The following GIGYF2 variants were observed in gnomAD, a reference collection of about 807,000 sequenced individuals.
GIGYF2 encodes the protein GRB10 interacting GYF protein 2.
In GIGYF2, 25 loss-of-function variants were observed where a neutral mutation model predicts 208.1. The observed-to-expected ratio is 0.12, with a 90% confidence interval of 0.09 to 0.17. GIGYF2 has a LOEUF of 0.17. Among genes scored for constraint, GIGYF2 ranks in the 10% least tolerant of loss-of-function variants. The pLI is 1.00. For synonymous variants in GIGYF2, 534 were observed against 543.8 expected, an observed-to-expected ratio of 0.98 and a Z score of 0.25; for missense variants, 1,302 against 1,579.4, an observed-to-expected ratio of 0.82 and a Z score of 2.98.
At chr2:232,712,737 G>A (rs760925813) in intron 2 of GIGYF2, among the ~76,000 whole-genome samples, 6 of 152,200 alleles carry the variant, frequency 3.9e-5, no homozygotes, top group Non-Finnish European at 7.3e-5. Context: ...TCCATAGATT[G>A]TACTTTGTAA....
rs1376363940 is a variant in GIGYF2, at chr2:232,859,158, T to C, written c.*2298T>C. 4 of 152,236 alleles carry C rather than the reference T, an allele frequency of 2.6e-5. No individual in the cohort carries two copies. Among genetic ancestry groups the C allele is most frequent in the African/African-American group, 9.7e-5 (4 of 41,446 alleles). 9.4% of individuals were successfully genotyped at this position (152,236 alleles called of 1,614,324 possible). A position where few individuals can be genotyped will look rare whatever the true frequency, so the allele number is the denominator to read the frequency against. On this transcript the variant is annotated 3_prime_UTR_variant, in exon 29 of 29. Coordinates refer to ENST00000373563, the MANE Select transcript of GIGYF2 (RefSeq NM_001103146.3). Reference sequence around the variant, plus strand: ...TTCTGTCTCTCTCAATGCTACTCTCTTTCATATTCTCATTTGCTCACCCTT... The same window carrying C: ...TTCTGTCTCTCTCAATGCTACTCTCCTTCATATTCTCATTTGCTCACCCTT...
chr2:232,822,126 A>C (rs1174191509), intron 21 of GIGYF2, among the ~76,000 whole-genome samples: 1 of 152,060 alleles, frequency 6.6e-6, no homozygotes, highest in East Asian at 1.9e-4. Flanking sequence ...TTCCTATTAA[A>C]ATTTAAAATT....
chr2:232,791,905 T>A (rs1397827625), intron 12 of GIGYF2, among the ~76,000 whole-genome samples: 3 of 152,252 alleles, frequency 2.0e-5, no homozygotes, highest in African/African-American at 7.2e-5. Context: ...AACATATCTC[T>A]TTCAGTTGTT....
rs1348710353 is a variant in GIGYF2 at position 232,806,402 on chromosome 2, C to G, written c.1640-89C>G. On this transcript the variant is annotated intron_variant, in intron 14 of 28. Transcript: ENST00000373563. The surrounding 1 kb of genome is among the most constrained non-coding windows in gnomAD (Gnocchi z 4.0). ...TAAAACATTTTGACAGATGCCACCT[C>G]GATGAGAATCAGATGCAGGAAATAT... 1.1e-6 allele frequency: 1 copy of G among 917,806 alleles called. No homozygotes were observed. Among genetic ancestry groups the G allele is most frequent in the Non-Finnish European group, 1.8e-6 (1 of 546,314 alleles). The allele number at this position is 917,806 out of a possible 1,614,324, so 56.9% of individuals were successfully genotyped here.
chr2:232,796,054 G>A lies in GIGYF2; in HGVS notation c.1480-8G>A, dbSNP rs1190036525. 3.1e-6 allele frequency: 5 copies of A among 1,606,318 alleles called. No homozygotes were observed. In the African/African-American group the frequency reaches 6.7e-5, roughly 21 times the overall value. On this transcript the variant is annotated splice_polypyrimidine_tract_variant and splice_region_variant and intron_variant, in intron 13 of 28. Coordinates refer to ENST00000373563, the MANE Select transcript of GIGYF2 (RefSeq NM_001103146.3). ...TTGTTTCCTTGATTTTTGTTTTTCT[G>A]TTACTAGCAAGCTGAGAAAATGGTG...
At position 232,819,897 on chromosome 2, in the gene GIGYF2, A is replaced by C; in HGVS notation, c.2441A>C (p.Gln814Pro). Residue 814 changes from glutamine to proline, a missense_variant, in exon 21 of 29, where the codon CAG becomes CCG. By Grantham distance (76) the Gln-to-Pro change is moderately conservative. This residue lies in a region of GIGYF2 where 701 missense variants were observed against 793.0 expected (regional missense o/e 0.88). Transcript: ENST00000373563. ...CGACAGCGAGAAGAGGAAGAAAGAC[A>C]GCAGCAAGAAGAAGCTCTTAGAAGA... is the stretch of plus-strand genomic sequence containing the variant. ...LRRQREEEER[Q>P]QQEEALRRLE... 6.3e-7 allele frequency: 1 copy of C among 1,592,072 alleles called. No individual in the cohort carries two copies. Among genetic ancestry groups the C allele is most frequent in the Non-Finnish European group, 8.6e-7 (1 of 1,161,288 alleles).
Position 232,742,507 on chromosome 2 carries a change from T to C in GIGYF2, c.42-5108T>C, listed in dbSNP as rs151224185. Among the ~76,000 whole-genome samples, 1,341 of 152,204 alleles carry C rather than the reference T, an allele frequency of 8.8e-3. 33 individuals are homozygous for C. The highest frequency in any genetic ancestry group is 0.055 in the Admixed American group (845 of 15,276). The stretch of plus-strand genomic sequence containing the variant: ...AGTGAGCTGAGCTGAGCTGAGATAG[T>C]GCCACTGCACTCCAGCCTGGGTAAC... On this transcript the variant is annotated intron_variant, in intron 3 of 28. Transcript: ENST00000373563.
intron 3 of GIGYF2, among the ~76,000 whole-genome samples, chr2:232,741,218 G>A (rs1299248113): frequency 6.6e-6 from 1 of 152,112 alleles, no homozygotes; most frequent in African/African-American, 2.4e-5. Flanking sequence ...ATATGTGCCT[G>A]TTTGCTCAAG....
chr2:232,824,392 C>T (rs1053573453), intron 21 of GIGYF2, among the ~76,000 whole-genome samples: 1 of 152,170 alleles, frequency 6.6e-6, no homozygotes, highest in Admixed American at 6.5e-5. Context: ...CCAGTGAACA[C>T]ATGAATGACA....
intron 19 of GIGYF2, 194 bp downstream of exon 19, chr2:232,815,931 A>T: frequency 3.4e-6 from 2 of 579,842 alleles, no homozygotes; most frequent in South Asian, 2.0e-5. Flanking sequence ...AACAGAATTT[A>T]AATTACTATG....
At chr2:232,736,743 A>G (rs988560807) in intron 3 of GIGYF2, 2 of 152,150 alleles carry the variant, frequency 1.3e-5, no homozygotes, top group Admixed American at 6.5e-5. Context: ...TTTTTGTGCA[A>G]CTCATCCGCC....
In GIGYF2 at chr2:232,799,486, G is replaced by A. The variant is rs544783062; in HGVS notation, c.1639+3265G>A. Among the ~76,000 whole-genome samples, 8 of 152,002 alleles carry A rather than the reference G, an allele frequency of 5.3e-5. No individual in the cohort carries two copies. The East Asian group carries it at 1.5e-3, about 29-fold the overall frequency. ...GATCACTTGAGCCCAGGAGTTGGAA[G>A]CTGCAGTGAGCTATGATAGCACCAC... On this transcript the variant is annotated intron_variant, in intron 14 of 28. Coordinates refer to ENST00000373563, the MANE Select transcript of GIGYF2 (RefSeq NM_001103146.3).
At chr2:232,744,044 C>G (rs1017909849) in intron 3 of GIGYF2, among the ~76,000 whole-genome samples, 1 of 152,062 alleles carries the variant, frequency 6.6e-6, no homozygotes, top group African/African-American at 2.4e-5. Context: ...CAGGATCTCA[C>G]TGTGTTGCCT....
chr2:232,822,915 A>G (rs1453506876), intron 21 of GIGYF2, among the ~76,000 whole-genome samples: 1 of 152,218 alleles, frequency 6.6e-6, no homozygotes, highest in Non-Finnish European at 1.5e-5. Flanking sequence ...GTTAAAATGT[A>G]TAATAGCCTT....
In GIGYF2 at chr2:232,747,695, A is replaced by T; in HGVS notation, c.122A>T (p.Tyr41Phe). The T allele has an allele frequency of 1.2e-6, 2 of 1,613,852 alleles. No individual in the cohort carries two copies. Among genetic ancestry groups the T allele is most frequent in the South Asian group, 1.1e-5 (1 of 91,084 alleles). Residue 41 changes from tyrosine to phenylalanine, a missense_variant, in exon 4 of 29, where the codon TAT becomes TTT. This residue lies in a region of GIGYF2 where 27 missense variants were observed against 59.5 expected (regional missense o/e 0.45). Transcript: ENST00000373563. Reference sequence around the variant, plus strand: ...TTGCCGAAGTATAAATTAGCAGATTATCGTTACGGCAGAGAAGAAATGTTA... The same window carrying T: ...TTGCCGAAGTATAAATTAGCAGATTTTCGTTACGGCAGAGAAGAAATGTTA... ...PALPKYKLADYRYGREEMLAL... is the reference protein window; with the variant it reads ...PALPKYKLADFRYGREEMLAL...
chr2:232,771,059 A>G (rs1456196159), intron 8 of GIGYF2: 1 of 1,613,956 alleles, frequency 6.2e-7, no homozygotes, highest in Non-Finnish European at 8.5e-7. Context: ...CTGGTGATAT[A>G]CTTGACACAG....
intron 2 of GIGYF2, among the ~76,000 whole-genome samples, chr2:232,711,840 G>A (rs901148503): frequency 4.8e-5 from 7 of 147,306 alleles, no homozygotes; most frequent in African/African-American, 1.5e-4. Context: ...AATTTTTATC[G>A]CTTTACTTTA....
chr2:232,816,876 G>A lies in GIGYF2; in HGVS notation c.2214G>A (p.Glu738=). 2 of 1,612,312 alleles carry A rather than the reference G, an allele frequency of 1.2e-6. No individual in the cohort carries two copies. The highest frequency in any genetic ancestry group is 1.7e-6 in the Non-Finnish European group (2 of 1,178,366). Residue 738 remains glutamate (E), a synonymous_variant, in exon 20 of 29, where the codon GAG becomes GAA. Transcript: ENST00000373563. The stretch of plus-strand genomic sequence containing the variant: ...GTACTCTTGTGTAATCACAGCTAGA[G>A]CAAGAGAGAAGAGAGGCAGAAATGA... ...QLEKAKAAKL[E]QERREAEMRA... is the part of the protein sequence containing the mutation.
intron 22 of GIGYF2, 43 bp from the exon 23 acceptor site, chr2:232,839,806 C>G: frequency 1.2e-6 from 2 of 1,609,496 alleles, no homozygotes. Flanking sequence ...TGTTTCCTGT[C>G]CACATTTCCT....
Sources: allele counts gnomAD v4.1 joint callset (sites outside exome capture counted in the v4.1 genomes callset), GRCh38; gene constraint gnomAD v4.1.1; regional missense constraint gnomAD v4.1.1; non-coding constraint Gnocchi (gnomAD v3.1); transcripts MANE v1.5; gene names NCBI Gene and HGNC (gene_info 2026-07-23, HGNC 2026-07-21).